The following RBPJ variants were observed in gnomAD, a reference collection of about 807,000 sequenced individuals.
The protein encoded by RBPJ is recombining binding protein suppressor of hairless.
A neutral mutation model predicts 67.8 loss-of-function variants in RBPJ; 9 were observed. The ratio of observed to expected loss-of-function variants is 0.13; its 90% CI spans 0.08 to 0.23. The LOEUF (loss-of-function observed/expected upper bound fraction) is 0.23, where lower values mean the gene tolerates loss of function less well. Ranked by LOEUF, RBPJ falls within the 10% of genes least tolerant of loss-of-function variation. RBPJ has a pLI of 1.00. For synonymous variants in RBPJ, 198 were observed against 203.3 expected (o/e 0.97, Z 0.22); for missense variants, 305 against 595.6 (o/e 0.51, Z 5.08).
At chr4:26,244,241 A>G (rs1360996788) in intron 1 of RBPJ, among the ~76,000 whole-genome samples, 1 of 38,782 alleles carries the variant, frequency 2.6e-5, no homozygotes, top group African/African-American at 7.3e-5. Context: ...ATGTGTCTAT[A>G]TATGTGTACA....
chr4:26,364,266 T>G (rs1029319706), intron 1 of RBPJ, among the ~76,000 whole-genome samples: 1 of 152,230 alleles, frequency 6.6e-6, no homozygotes, highest in African/African-American at 2.4e-5. Flanking sequence ...ATGAAACTGC[T>G]TTATATTAAA....
intron 1 of RBPJ, among the ~76,000 whole-genome samples, chr4:26,216,823 G>A (rs1718736424): frequency 6.6e-6 from 1 of 152,128 alleles, no homozygotes; most frequent in South Asian, 2.1e-4. Context: ...TACTTGGCAG[G>A]CTGAGGTGAG....
intron 5 of RBPJ, among the ~76,000 whole-genome samples, chr4:26,421,005 G>C (rs975902153): frequency 3.3e-5 from 5 of 152,120 alleles, no homozygotes; most frequent in Non-Finnish European, 5.9e-5. Context: ...GGGTGATGTT[G>C]GCTTTGGGTG....
At chr4:26,124,295 C>T in the RBPJ span, among the ~76,000 whole-genome samples, 1 of 151,532 alleles carries the variant, frequency 6.6e-6, no homozygotes, top group African/African-American at 2.4e-5. Context: ...TGAGTGAGAA[C>T]ATGCAATGCT....
rs1021159163 is a variant in RBPJ, at chr4:26,254,215, A to T, written c.-167+90601A>T. The stretch of plus-strand genomic sequence containing the variant: ...CAATGTGTCAATCAAATCATGTCAC[A>T]GCCCGCTGAAAACTCTCCAATGGCT... On this transcript the variant is annotated intron_variant, in intron 1 of 4. Transcript: ENST00000512351. Among the ~76,000 whole-genome samples, 15 of 148,898 alleles carry T rather than the reference A, an allele frequency of 1.0e-4. 2 individuals are homozygous for T. The highest frequency in any genetic ancestry group is 3.9e-4 in the African/African-American group (15 of 38,288).
the RBPJ span, among the ~76,000 whole-genome samples, chr4:26,131,777 G>A: frequency 6.6e-6 from 1 of 152,118 alleles, no homozygotes; most frequent in South Asian, 2.1e-4. Flanking sequence ...TCAGACTTGC[G>A]GCTTCCCAAG....
the RBPJ span, among the ~76,000 whole-genome samples, chr4:26,115,767 G>A: frequency 6.6e-6 from 1 of 152,104 alleles, no homozygotes; most frequent in African/African-American, 2.4e-5. Flanking sequence ...TACTAACTTA[G>A]CACTTCAGTA....
At chr4:26,346,478 CAAAG>C (rs1177404527) in intron 1 of RBPJ, among the ~76,000 whole-genome samples, 1 of 152,084 alleles carries the variant, frequency 6.6e-6, no homozygotes, top group African/African-American at 2.4e-5. Flanking sequence ...ACATGGCTGA[CAAAG>C]AGAAGGGAAG....
At chr4:26,163,156 T>C (rs190116751), upstream of RBPJ, among the ~76,000 whole-genome samples, 84 of 152,230 alleles carry the variant, frequency 5.5e-4, no homozygotes, top group Admixed American at 5.4e-3. Context: ...GTCAGGAACA[T>C]CAAGGCAGTC....
chr4:26,355,260 G>A (rs972411039), intron 1 of RBPJ, among the ~76,000 whole-genome samples: 5 of 152,080 alleles, frequency 3.3e-5, no homozygotes, highest in Admixed American at 2.0e-4. Flanking sequence ...TGCATAGGCT[G>A]TGTACTAACA....
chr4:26,267,848 T>C (rs1720752918), intron 1 of RBPJ, among the ~76,000 whole-genome samples: 1 of 152,056 alleles, frequency 6.6e-6, no homozygotes, highest in African/African-American at 2.4e-5. Context: ...CCTCAGGTGA[T>C]CCGCCCACCT....
At chr4:26,280,104 G>A (rs1192050336) in intron 1 of RBPJ, among the ~76,000 whole-genome samples, 1 of 150,706 alleles carries the variant, frequency 6.6e-6, no homozygotes, top group East Asian at 2.0e-4. Flanking sequence ...TCTTTTAAGA[G>A]AGAGCCTTGG....
At chr4:26,318,012 T>A (rs1560259693), upstream of RBPJ, among the ~76,000 whole-genome samples, 1 of 152,196 alleles carries the variant, frequency 6.6e-6, no homozygotes, top group Admixed American at 6.5e-5. Flanking sequence ...AAGGGCTTTG[T>A]CCTCCTCCTG....
intron 1 of RBPJ, among the ~76,000 whole-genome samples, chr4:26,349,704 A>G (rs1398847760): frequency 6.6e-6 from 1 of 152,204 alleles, no homozygotes; most frequent in East Asian, 1.9e-4. Flanking sequence ...TTTTACTTCT[A>G]AGTGCTTTAC....
At chr4:26,361,949 A>G (rs1045823186) in intron 1 of RBPJ, among the ~76,000 whole-genome samples, 5 of 152,218 alleles carry the variant, frequency 3.3e-5, no homozygotes, top group African/African-American at 1.2e-4. Flanking sequence ...ATGCCACTAT[A>G]GAAGTAATCT....
chr4:26,127,375 C>G, the RBPJ span, among the ~76,000 whole-genome samples: 3 of 152,168 alleles, frequency 2.0e-5, no homozygotes, highest in South Asian at 4.1e-4. Context: ...GGTCACCAAC[C>G]ATATGGAGAT....
upstream of RBPJ, chr4:26,320,789 G>A (rs1160506820): frequency 6.4e-7 from 1 of 1,555,580 alleles, no homozygotes; most frequent in East Asian, 2.4e-5. Context: ...CCGCGGAGGA[G>A]CCGCCTGCGC....
chr4:26,383,167 T>G (rs967917745), intron 1 of RBPJ, among the ~76,000 whole-genome samples: 1 of 152,184 alleles, frequency 6.6e-6, no homozygotes, highest in Non-Finnish European at 1.5e-5. Flanking sequence ...ATATTTTCTG[T>G]GGGGCAGGAG....
intron 1 of RBPJ, among the ~76,000 whole-genome samples, chr4:26,365,535 A>G (rs568336834): frequency 2.6e-5 from 4 of 152,372 alleles, no homozygotes; most frequent in African/African-American, 9.6e-5. Context: ...TGCATTGAAT[A>G]TAGAAAAGAA....
Sources: allele counts gnomAD v4.1 joint callset (sites outside exome capture counted in the v4.1 genomes callset), GRCh38; gene constraint gnomAD v4.1.1; transcripts MANE v1.5; gene names NCBI Gene and HGNC (gene_info 2026-07-23, HGNC 2026-07-21).